The following FRMD3 variants were observed in gnomAD, a reference collection of about 807,000 sequenced individuals.
FRMD3 encodes the protein FERM domain containing 3.
Under a neutral mutation model 70.2 loss-of-function variants are expected in FRMD3, and 33 were observed. That is an observed-to-expected ratio of 0.47 (90% CI 0.36 to 0.63). The LOEUF is 0.63. FRMD3 is among the 20% of genes least tolerant of loss of function. FRMD3 has a pLI of 0.00. For missense variants in FRMD3, 632 were observed against 711.4 expected (o/e 0.89, Z 1.27); for synonymous variants, 279 against 255.9 (o/e 1.09, Z -0.86).
chr9:83,505,476 C>G (rs1029552313), intron 1 of FRMD3, among the ~76,000 whole-genome samples: 63 of 152,198 alleles, frequency 4.1e-4, no homozygotes, highest in African/African-American at 1.4e-3. Context: ...GATGGGGGTG[C>G]TGAGTAGAGA....
At chr9:83,244,104 G>A (rs1587600570), downstream of FRMD3, among the ~76,000 whole-genome samples, 1 of 150,528 alleles carries the variant, frequency 6.6e-6, no homozygotes, top group East Asian at 1.9e-4. Flanking sequence ...CTCCAGCCTG[G>A]GCAACAAGAG....
intron 13 of FRMD3, among the ~76,000 whole-genome samples, chr9:83,268,100 A>C (rs1833362268): frequency 6.6e-6 from 1 of 152,226 alleles, no homozygotes. Context: ...TTCTAAATGC[A>C]GGTGCCATGC....
At chr9:83,402,054 T>C (rs1359094758) in intron 1 of FRMD3, among the ~76,000 whole-genome samples, 6 of 151,882 alleles carry the variant, frequency 4.0e-5, no homozygotes, top group Middle Eastern at 6.3e-3. Context: ...TCTTAAACTA[T>C]TATGTGCATT....
At chr9:83,434,819 C>CTTTTTTTTTTT (rs757810185) in intron 1 of FRMD3, among the ~76,000 whole-genome samples, 1 of 74,878 alleles carries the variant, frequency 1.3e-5, no homozygotes, top group Non-Finnish European at 2.3e-5. Flanking sequence ...CACCCCTCTG[C>CTTTTTTTTTTT]TTTTTTTTTT....
intron 1 of FRMD3, among the ~76,000 whole-genome samples, chr9:83,487,522 T>C (rs1828713675): frequency 6.6e-6 from 1 of 152,240 alleles, no homozygotes; most frequent in Non-Finnish European, 1.5e-5. Flanking sequence ...ATCTCCAAGA[T>C]ACTGCTAGAG....
chr9:83,554,183 A>T, the FRMD3 span, among the ~76,000 whole-genome samples: 1 of 152,184 alleles, frequency 6.6e-6, no homozygotes, highest in South Asian at 2.1e-4. Context: ...ACTTAGGCTC[A>T]TCGGTCAGTT....
chr9:83,378,261 G>T (rs201419652), intron 2 of FRMD3, among the ~76,000 whole-genome samples: 47 of 129,378 alleles, frequency 3.6e-4, no homozygotes, highest in Admixed American at 5.7e-4. Flanking sequence ...CTTCTTTTTT[G>T]TTTTTTTTGT....
chr9:83,243,575 C>T (rs1831948889), downstream of FRMD3, among the ~76,000 whole-genome samples: 3 of 152,296 alleles, frequency 2.0e-5, no homozygotes, highest in South Asian at 6.2e-4. Context: ...TTTGGGTCAG[C>T]AGACACTAAC....
chr9:83,378,929 T>C (rs1327104359), intron 2 of FRMD3, among the ~76,000 whole-genome samples: 3 of 143,486 alleles, frequency 2.1e-5, no homozygotes, highest in Non-Finnish European at 4.6e-5. Flanking sequence ...GGTTTCACTA[T>C]GTAGGCCAGG....
intron 1 of FRMD3, among the ~76,000 whole-genome samples, chr9:83,525,745 C>T: frequency 6.6e-6 from 1 of 152,200 alleles, no homozygotes; most frequent in East Asian, 1.9e-4. Flanking sequence ...CCACTGACAA[C>T]CCTGGTGTGG....
Position 83,245,283 on chromosome 9 carries a change from C to T in FRMD3, c.*2635G>A. The stretch of plus-strand genomic sequence containing the variant: ...ACTCTATATCTCACTCTATAATATA[C>T]TGTCCATCTCTGGAAGCAGGCTTTT... On this transcript the variant is annotated 3_prime_UTR_variant, in exon 14 of 14. Transcript: ENST00000304195. The T allele has an allele frequency of 2.0e-6, 2 of 985,384 alleles. No individual in the cohort carries two copies. Among genetic ancestry groups the T allele is most frequent in the Non-Finnish European group, 2.4e-6 (2 of 829,904 alleles). 61.0% of individuals were successfully genotyped at this position (985,384 alleles called of 1,614,324 possible).
chr9:83,522,657 A>G (rs1009309568), intron 1 of FRMD3, among the ~76,000 whole-genome samples: 3 of 149,372 alleles, frequency 2.0e-5, no homozygotes, highest in Admixed American at 6.7e-5. Flanking sequence ...TCCGCCTCCC[A>G]GGTTCACACC....
chr9:83,319,474 T>G (rs1835711558), intron 6 of FRMD3, among the ~76,000 whole-genome samples: 1 of 152,232 alleles, frequency 6.6e-6, no homozygotes, highest in African/African-American at 2.4e-5. Flanking sequence ...CAGGCTGAAA[T>G]GCAGTGGCAT....
chr9:83,357,943 TTATG>T lies in FRMD3; in HGVS notation c.296-8190_296-8187del, dbSNP rs540011102. ...TTCAGCTTAATTAAGTCCCATATAT[TTATG>T]TTTGTTTTTGTTGCACTTGCTTTTG... On this transcript the variant is annotated intron_variant, in intron 3 of 13. Coordinates refer to ENST00000304195, the MANE Select transcript of FRMD3 (RefSeq NM_174938.6). Among the ~76,000 whole-genome samples the T allele has an allele frequency of 8.7e-4, 133 of 152,280 alleles. 1 individual carries two copies. Among genetic ancestry groups the T allele is most frequent in the Middle Eastern group, 3.4e-3 (1 of 294 alleles).
intron 1 of FRMD3, among the ~76,000 whole-genome samples, chr9:83,516,172 G>A (rs548218184): frequency 6.6e-6 from 1 of 152,028 alleles, no homozygotes; most frequent in South Asian, 2.1e-4. Flanking sequence ...GACACAGACT[G>A]GCAAATTTGG....
At chr9:83,378,758 A>C (rs1187185333) in intron 2 of FRMD3, among the ~76,000 whole-genome samples, 2 of 119,536 alleles carry the variant, frequency 1.7e-5, no homozygotes, top group Non-Finnish European at 3.2e-5. Context: ...TATAATATAT[A>C]ATTTATATTA....
intron 12 of FRMD3, among the ~76,000 whole-genome samples, chr9:83,292,718 G>A (rs1274065251): frequency 6.6e-6 from 1 of 151,948 alleles, no homozygotes; most frequent in Non-Finnish European, 1.5e-5. Flanking sequence ...TACGATCTCG[G>A]CTCACTACAA....
intron 1 of FRMD3, among the ~76,000 whole-genome samples, chr9:83,481,887 ACT>A (rs1035231551): frequency 2.0e-5 from 3 of 151,576 alleles, no homozygotes; most frequent in South Asian, 2.1e-4. Context: ...TGACCACATA[ACT>A]CTTTTTTTAC....
chr9:83,526,754 A>G (rs1354549794), intron 1 of FRMD3, among the ~76,000 whole-genome samples: 2 of 152,206 alleles, frequency 1.3e-5, no homozygotes, highest in African/African-American at 4.8e-5. Context: ...TGCTAGGAAT[A>G]TAGGAGATAT....
Sources: allele counts gnomAD v4.1 joint callset (sites outside exome capture counted in the v4.1 genomes callset), GRCh38; gene constraint gnomAD v4.1.1; transcripts MANE v1.5; gene names NCBI Gene and HGNC (gene_info 2026-07-23, HGNC 2026-07-21).